The following SGSM2 variants were observed in gnomAD, a reference collection of about 807,000 sequenced individuals.
SGSM2 encodes the protein small G protein signaling modulator 2, also known as RUN and TBC1 domain containing 1.
In SGSM2, 89 loss-of-function variants were observed where a neutral mutation model predicts 126.6. That is an observed-to-expected ratio of 0.70 (90% CI 0.59 to 0.84). The LOEUF is 0.84. SGSM2 is among the 40% of genes least tolerant of loss of function. The pLI is 0.00. For synonymous variants in SGSM2, 614 were observed against 574.3 expected, an observed-to-expected ratio of 1.07 and a Z score of -0.99; for missense variants, 1,404 against 1,416.6, an observed-to-expected ratio of 0.99 and a Z score of 0.14.
At position 2,365,260 on chromosome 17, in the gene SGSM2, G is replaced by T. The variant is rs200000645; in HGVS notation, c.1207G>T (p.Val403Leu). 6.8e-6 allele frequency: 11 copies of T among 1,611,240 alleles called. No homozygotes were observed. In the South Asian group the frequency reaches 8.8e-5, roughly 13 times the overall value. ...ACGGAAACGAAGCAGCATTCGCTCC[G>T]TGGATATGGAGGAGATGGGCACGGG... ...KLRKRSSIRSVDMEEMGTGRA... is the reference protein window; with the variant it reads ...KLRKRSSIRSLDMEEMGTGRA... Residue 403 changes from valine (V) to leucine (L), a missense_variant, in exon 11 of 24, where the codon GTG becomes TTG. Physicochemically the swap from Val to Leu is conservative, Grantham distance 32 (BLOSUM62 1). Coordinates refer to ENST00000268989, the MANE Select transcript of SGSM2 (RefSeq NM_014853.3).
At chr17:2,375,142 C>T (rs570277232) in intron 17 of SGSM2, 9 of 214,608 alleles carry the variant, frequency 4.2e-5, no homozygotes, top group South Asian at 2.7e-4. Context: ...GCCATTCTCC[C>T]GGTCTCATGA....
At chr17:2,352,493 A>G (rs2064898453) in intron 2 of SGSM2, among the ~76,000 whole-genome samples, 3 of 152,104 alleles carry the variant, frequency 2.0e-5, no homozygotes, top group South Asian at 4.1e-4. Context: ...CTGTCCTCCC[A>G]TTCCCAACTC....
intron 2 of SGSM2, among the ~76,000 whole-genome samples, chr17:2,351,452 A>G (rs1358556041): frequency 1.3e-5 from 2 of 152,142 alleles, no homozygotes; most frequent in Non-Finnish European, 2.9e-5. Context: ...GAGACACTCT[A>G]GGAGACTGTG....
rs568716841 is a variant in SGSM2, at chr17:2,370,741, C to A, written c.1424-521C>A. On this transcript the variant is annotated intron_variant, in intron 12 of 23. Transcript: ENST00000268989. The stretch of plus-strand genomic sequence containing the variant: ...TCTAGACTCCCCCAGAAGAGCCAGG[C>A]CTACGGGCAGGTGACTCAGATTCCT... Among the ~76,000 whole-genome samples, 5 of 152,348 alleles carry A rather than the reference C, an allele frequency of 3.3e-5. No homozygotes were observed. The South Asian group carries it at 1.0e-3, about 32-fold the overall frequency.
rs986901444 is a variant in SGSM2, at chr17:2,345,410, C to G, written c.133+1790C>G. 4.6e-5 allele frequency among the ~76,000 whole-genome samples: 7 copies of G among 151,802 alleles called. No homozygotes were observed. In the South Asian group the frequency reaches 1.2e-3, roughly 27 times the overall value. ...AGGAGATCGAGACCATCCTGGCTAACACGGTGAAACCCCGTCTCTACTAAA... is the reference window on the plus strand; with the variant it reads ...AGGAGATCGAGACCATCCTGGCTAAGACGGTGAAACCCCGTCTCTACTAAA... On this transcript the variant is annotated intron_variant, in intron 2 of 23. Coordinates refer to ENST00000268989, the MANE Select transcript of SGSM2 (RefSeq NM_014853.3).
intron 12 of SGSM2, among the ~76,000 whole-genome samples, chr17:2,368,512 C>T (rs1031707462): frequency 7.9e-5 from 12 of 152,196 alleles, no homozygotes; most frequent in African/African-American, 2.9e-4. Context: ...AAAGTTCTGC[C>T]GGGAAGCCCA....
intron 2 of SGSM2, among the ~76,000 whole-genome samples, chr17:2,347,807 C>G (rs1383762678): frequency 6.6e-6 from 1 of 152,112 alleles, no homozygotes; most frequent in East Asian, 1.9e-4. Flanking sequence ...TCCGATTGGG[C>G]ACTGAGTTTG....
At chr17:2,354,925 C>T (rs1003381126) in intron 2 of SGSM2, among the ~76,000 whole-genome samples, 2 of 125,052 alleles carry the variant, frequency 1.6e-5, no homozygotes, top group Admixed American at 8.0e-5. Flanking sequence ...ATGGTGGAAT[C>T]GGGGTGTAAG....
intron 2 of SGSM2, among the ~76,000 whole-genome samples, chr17:2,346,859 C>T (rs888360974): frequency 6.6e-6 from 1 of 152,012 alleles, no homozygotes; most frequent in Admixed American, 6.6e-5. Flanking sequence ...GAGGCTGAGG[C>T]GGGAGGATCC....
intron 22 of SGSM2, among the ~76,000 whole-genome samples, chr17:2,378,292 G>C (rs1171550155): frequency 6.6e-6 from 1 of 151,986 alleles, no homozygotes; most frequent in Non-Finnish European, 1.5e-5. Flanking sequence ...AAGAAAAAAT[G>C]AGGCTGGGTG....
At chr17:2,378,945 C>G in intron 22 of SGSM2, 91 bp from the exon 23 acceptor site, 2 of 1,426,478 alleles carry the variant, frequency 1.4e-6, no homozygotes, top group Non-Finnish European at 1.9e-6. Flanking sequence ...AGCCTCAGCC[C>G]CAGCCTCAAT....
At position 2,379,863 on chromosome 17, in the gene SGSM2, C is replaced by T; in HGVS notation, c.*343C>T. 7.7e-7 allele frequency: 1 copy of T among 1,302,302 alleles called. No individual in the cohort carries two copies. The highest frequency in any genetic ancestry group is 9.8e-7 in the Non-Finnish European group (1 of 1,019,260). 80.7% of individuals were successfully genotyped at this position (1,302,302 alleles called of 1,614,324 possible). ...GCCCACGAGTGAACCTGGGGCCCCA[C>T]AGGATTAACAGGGGCTATAGCGGCC... On this transcript the variant is annotated 3_prime_UTR_variant, in exon 24 of 24. Coordinates refer to ENST00000268989, the MANE Select transcript of SGSM2 (RefSeq NM_014853.3).
chr17:2,365,129 C>T (rs1017654283), intron 10 of SGSM2, 72 bp downstream of exon 10: 20 of 1,595,982 alleles, frequency 1.3e-5, no homozygotes, highest in Middle Eastern at 3.3e-4. Flanking sequence ...TCCTTCCCCA[C>T]GTGGAGTTCT....
chr17:2,377,688 C>G (rs1597398885), intron 21 of SGSM2, 169 bp from the exon 22 acceptor site: 1 of 516,638 alleles, frequency 1.9e-6, no homozygotes, highest in South Asian at 2.3e-5. Context: ...CCACCCTCCA[C>G]AAGGAGATCC....
At chr17:2,350,540 G>A (rs1382541899) in intron 2 of SGSM2, among the ~76,000 whole-genome samples, 2 of 151,922 alleles carry the variant, frequency 1.3e-5, no homozygotes, top group African/African-American at 2.4e-5. Context: ...AACCCAGGTG[G>A]TGGAGGTTGC....
intron 22 of SGSM2, 34 bp downstream of exon 22, chr17:2,377,987 A>T (rs1440793151): frequency 7.6e-7 from 1 of 1,318,566 alleles, no homozygotes; most frequent in East Asian, 2.3e-5. Flanking sequence ...GGCTGAGGTC[A>T]GGGACAGTGA....
In SGSM2 at chr17:2,339,614, A is replaced by G. The variant is rs1463399529; in HGVS notation, c.57+1869A>G. ...ATGTAGTCCCAGCTACTTGGGAGGC[A>G]GGAGAATGGCATGAACCCGGGAGGC... On this transcript the variant is annotated intron_variant, in intron 1 of 23. Coordinates refer to ENST00000268989, the MANE Select transcript of SGSM2 (RefSeq NM_014853.3). Among the ~76,000 whole-genome samples the G allele has an allele frequency of 3.3e-5, 5 of 150,410 alleles. 1 individual carries two copies. The Admixed American group carries it at 3.3e-4, about 10-fold the overall frequency.
intron 2 of SGSM2, among the ~76,000 whole-genome samples, chr17:2,347,974 A>G (rs2064677223): frequency 6.6e-6 from 1 of 152,166 alleles, no homozygotes; most frequent in African/African-American, 2.4e-5. Flanking sequence ...CTCAGTCACC[A>G]GATTCCCTGC....
intron 1 of SGSM2, among the ~76,000 whole-genome samples, chr17:2,340,518 C>T (rs1484391726): frequency 2.0e-5 from 3 of 152,076 alleles, no homozygotes; most frequent in African/African-American, 4.8e-5. Flanking sequence ...GCCACAGCTA[C>T]GTATCATTCC....
Sources: gnomAD v4.1 joint callset for allele counts (sites outside exome capture counted in the v4.1 genomes callset) on GRCh38, gnomAD v4.1.1 for gene constraint, MANE v1.5 for transcripts, NCBI Gene and HGNC (gene_info 2026-07-23, HGNC 2026-07-21) for gene names.